ORAI2: variants seen among roughly 807,000 people sequenced by gnomAD.
ORAI2 encodes the protein protein orai-2.
ORAI2 carries 10 observed loss-of-function variants against 16.2 expected under a neutral mutation model. The observed-to-expected ratio is 0.62, with a 90% CI of 0.38 to 1.04. ORAI2 has a LOEUF of 1.04. Ranked by LOEUF, ORAI2 falls within the 50% of genes least tolerant of loss-of-function variation. The pLI, the probability that ORAI2 is intolerant of heterozygous loss-of-function variation, is 0.01. For missense variants in ORAI2, 238 were observed against 355.5 expected (o/e 0.67, Z 2.66); for synonymous variants, 150 against 157.5 (o/e 0.95, Z 0.35).
chr7:102,443,163 G>A (rs924066845), intron 3 of ORAI2, among the ~76,000 whole-genome samples: 6 of 131,566 alleles, frequency 4.6e-5, no homozygotes, highest in Non-Finnish European at 7.8e-5. Flanking sequence ...ATGGGGTCTC[G>A]TTTTGTTGCC....
At chr7:102,442,716 C>T (rs1404451445) in intron 3 of ORAI2, among the ~76,000 whole-genome samples, 2 of 151,390 alleles carry the variant, frequency 1.3e-5, no homozygotes, top group African/African-American at 2.4e-5. Flanking sequence ...ATTAGCCAGG[C>T]GTGGTGGCTG....
rs1129271 is a variant in ORAI2, at chr7:102,446,755, T to A, written c.468T>A (p.Leu156=). 6.2e-7 allele frequency: 1 copy of A among 1,614,042 alleles called. No homozygotes were observed. The highest frequency in any genetic ancestry group is 8.5e-7 in the Non-Finnish European group (1 of 1,180,024). ...IELAWGFSTV[L]GILLFLAEVV... Reference sequence around the variant, plus strand: ...TGGCCTGGGGCTTCTCCACCGTGCTTGGCATCCTACTCTTCCTGGCCGAGG... The same window carrying A: ...TGGCCTGGGGCTTCTCCACCGTGCTAGGCATCCTACTCTTCCTGGCCGAGG... Residue 156 remains leucine, a synonymous_variant, in exon 4 of 4, where the codon CTT becomes CTA. Coordinates refer to ENST00000495936, the MANE Select transcript of ORAI2 (RefSeq NM_001126340.3).
In ORAI2 at chr7:102,446,910, G is replaced by C; in HGVS notation, c.623G>C (p.Gly208Ala). Reference sequence around the variant, plus strand: ...TCCACCATCATCATGGTGCCCGTGGGCCTCATCTTCGTGGTCTTCACCATC... The same window carrying C: ...TCCACCATCATCATGGTGCCCGTGGCCCTCATCTTCGTGGTCTTCACCATC... ...LVSTIIMVPVGLIFVVFTIHF... is the reference protein window; with the variant it reads ...LVSTIIMVPVALIFVVFTIHF... The change falls in exon 4 of 4, where the codon GGC (glycine) becomes GCC (alanine). Residue 208 changes from glycine to alanine, a missense_variant. Gly to Ala is a moderately conservative substitution (Grantham distance 60). Coordinates refer to ENST00000495936, the MANE Select transcript of ORAI2 (RefSeq NM_001126340.3). The C allele has an allele frequency of 6.2e-7, 1 of 1,613,208 alleles. No individual in the cohort carries two copies. The highest frequency in any genetic ancestry group is 1.1e-5 in the South Asian group (1 of 91,092).
At chr7:102,441,990 C>T (rs965178284) in intron 3 of ORAI2, among the ~76,000 whole-genome samples, 6 of 152,238 alleles carry the variant, frequency 3.9e-5, no homozygotes, top group Non-Finnish European at 5.9e-5. Context: ...TATAGTGTGT[C>T]TTCCCTCATT....
Position 102,446,556 on chromosome 7 carries a change from C to T in ORAI2, c.269C>T (p.Pro90Leu), listed in dbSNP as rs1797369845. 8 of 1,612,406 alleles carry T rather than the reference C, an allele frequency of 5.0e-6. No individual in the cohort carries two copies. Among genetic ancestry groups the T allele is most frequent in the Non-Finnish European group, 5.9e-6 (7 of 1,179,666 alleles). ...EVQLETQYQY[P>L]RPLLIAFSAC... ...CAGCTGGAGACGCAGTACCAGTACC[C>T]GCGGCCGCTGCTGATTGCCTTCAGC... The change falls in exon 4 of 4, where the codon CCG becomes CTG. Residue 90 changes from proline to leucine, a missense_variant. Pro to Leu is a moderately conservative substitution (Grantham distance 98). This residue lies in a region of ORAI2 where 176 missense variants were observed against 265.9 expected (regional missense o/e 0.66). Transcript: ENST00000495936.
intron 3 of ORAI2, among the ~76,000 whole-genome samples, chr7:102,444,321 C>T (rs1009821652): frequency 2.0e-5 from 3 of 151,468 alleles, no homozygotes; most frequent in Non-Finnish European, 4.4e-5. Context: ...GGCATGATCT[C>T]AGCTCACTGA....
At chr7:102,434,543 G>A (rs1797012796) in intron 1 of ORAI2, among the ~76,000 whole-genome samples, 1 of 152,154 alleles carries the variant, frequency 6.6e-6, no homozygotes, top group Non-Finnish European at 1.5e-5. Context: ...TCAGACCTGA[G>A]CCCAGCCCAC....
At chr7:102,438,420 A>G (rs530836924) in intron 2 of ORAI2, among the ~76,000 whole-genome samples, 4 of 152,384 alleles carry the variant, frequency 2.6e-5, no homozygotes, top group African/African-American at 9.6e-5. Context: ...GAGCCAGGTC[A>G]GAAAGGTCAG....
At chr7:102,434,653 C>G (rs1445907434) in intron 1 of ORAI2, 1 of 152,570 alleles carries the variant, frequency 6.6e-6, no homozygotes, top group African/African-American at 2.4e-5. Context: ...AGCCATTTCC[C>G]TGGGTTGAAC....
rs141948606 is a variant in ORAI2, at chr7:102,440,333, G to T, written c.225+1152G>T. On this transcript the variant is annotated intron_variant, in intron 3 of 3. Transcript: ENST00000495936. ...GAGAGCTTTTGGCCTGGCTCCCAGC[G>T]GCCGCCTTCCTTCTGAGTCATCCCC... Among the ~76,000 whole-genome samples the T allele has an allele frequency of 3.7e-3, 568 of 152,216 alleles. 6 individuals are homozygous for T. Among genetic ancestry groups the T allele is most frequent in the African/African-American group, 0.013 (550 of 41,558 alleles).
rs753027710 is a variant in ORAI2 at position 102,446,851 on chromosome 7, T to G, written c.564T>G (p.Pro188=). The change falls in exon 4 of 4, where the codon CCT becomes CCG. Residue 188 remains proline, a synonymous_variant. Transcript: ENST00000495936. ...GCCAGCCTGGCCCCCCACCTGGCCC[T>G]GGGAGTCACACGGGCTGGCAGGCCG... The part of the protein sequence containing the change: ...ARRQPGPPPG[P]GSHTGWQAAL... 1 of 1,613,664 alleles carries G rather than the reference T, an allele frequency of 6.2e-7. No individual in the cohort carries two copies. The highest frequency in any genetic ancestry group is 8.5e-7 in the Non-Finnish European group (1 of 1,179,998).
At chr7:102,437,571 C>T (rs1463304652) in intron 2 of ORAI2, among the ~76,000 whole-genome samples, 3 of 152,224 alleles carry the variant, frequency 2.0e-5, no homozygotes, top group Non-Finnish European at 1.5e-5. Context: ...GCCGAAATTG[C>T]GCCACTTCAC....
At chr7:102,435,690 C>T (rs1022859242) in intron 1 of ORAI2, among the ~76,000 whole-genome samples, 5 of 151,518 alleles carry the variant, frequency 3.3e-5, no homozygotes, top group African/African-American at 1.2e-4. Context: ...GCTGGAGTGC[C>T]GCGGTAGGAT....
chr7:102,443,264 C>T (rs1049888331), intron 3 of ORAI2, among the ~76,000 whole-genome samples: 1 of 149,936 alleles, frequency 6.7e-6, no homozygotes, highest in African/African-American at 2.5e-5. Flanking sequence ...CTCACTCAGC[C>T]CCTTTTCTCC....
chr7:102,446,457 T>C (rs1376613088), intron 3 of ORAI2, 56 bp from the exon 4 acceptor site: 3 of 1,516,384 alleles, frequency 2.0e-6, no homozygotes, highest in Non-Finnish European at 2.7e-6. Flanking sequence ...GTGGCCCTGG[T>C]GGGGCCATAC....
rs1796982602 is a variant in ORAI2 at position 102,433,681 on chromosome 7, G to C, written c.-123+20G>C. On this transcript the variant is annotated intron_variant, in intron 1 of 3. Transcript: ENST00000495936. The surrounding 1 kb of genome is among the most constrained non-coding windows in gnomAD (Gnocchi z 4.6). Reference sequence around the variant, plus strand: ...GCTCCGGTGAGTGTGGCGGCGCGGGGGCCTGGCGCGGGGAGCGGGGTCCCT... The same window carrying C: ...GCTCCGGTGAGTGTGGCGGCGCGGGCGCCTGGCGCGGGGAGCGGGGTCCCT... The C allele has an allele frequency of 6.6e-6, 1 of 152,402 alleles. No homozygotes were observed. Among genetic ancestry groups the C allele is most frequent in the South Asian group, 2.1e-4 (1 of 4,846 alleles). The allele number at this position is 152,402 out of a possible 1,614,324, so 9.4% of individuals were successfully genotyped here.
At chr7:102,444,801 G>A (rs1360304748) in intron 3 of ORAI2, among the ~76,000 whole-genome samples, 2 of 151,712 alleles carry the variant, frequency 1.3e-5, no homozygotes, top group Non-Finnish European at 2.9e-5. Flanking sequence ...GAGTAGCTGG[G>A]ATTACAGATG....
Position 102,451,274 on chromosome 7 carries a change from G to A in ORAI2, c.*4222G>A, listed in dbSNP as rs1797513012. The A allele has an allele frequency of 1.3e-5, 2 of 151,760 alleles. No homozygotes were observed. The highest frequency in any genetic ancestry group is 1.3e-4 in the Admixed American group (2 of 15,224). The allele number at this position is 151,760 out of a possible 1,614,324, so 9.4% of individuals were successfully genotyped here. ...GCCAGCCAGGGCCCATCCTAATTTG[G>A]AGCACAGTCTTCCTGGTGCCTAGAC... On this transcript the variant is annotated 3_prime_UTR_variant, in exon 4 of 4. Coordinates refer to ENST00000495936, the MANE Select transcript of ORAI2 (RefSeq NM_001126340.3).
Position 102,446,408 on chromosome 7 carries a change from G to A in ORAI2, c.226-105G>A, listed in dbSNP as rs73712481. 0.011 allele frequency: 14,149 copies of A among 1,237,436 alleles called. 1,224 individuals are homozygous for A. The African/African-American group carries it at 0.19, about 16-fold the overall frequency. The allele number at this position is 1,237,436 out of a possible 1,614,324, so 76.7% of individuals were successfully genotyped here. ...CAGCAGGCAAGCCCATGGCTACCCTGTCCCCCGAACCTGGCCCAGCCCCTG... is the reference window on the plus strand; with the variant it reads ...CAGCAGGCAAGCCCATGGCTACCCTATCCCCCGAACCTGGCCCAGCCCCTG... On this transcript the variant is annotated intron_variant, in intron 3 of 3. Transcript: ENST00000495936.
Sources: gnomAD v4.1 joint callset for allele counts (sites outside exome capture counted in the v4.1 genomes callset) on GRCh38, gnomAD v4.1.1 for gene constraint, gnomAD v4.1.1 regional missense constraint, Gnocchi (gnomAD v3.1) non-coding constraint, MANE v1.5 for transcripts, NCBI Gene and HGNC (gene_info 2026-07-23, HGNC 2026-07-21) for gene names.